RBM20: variants seen among roughly 807,000 people sequenced by gnomAD.
RBM20 encodes the protein RNA binding motif protein 20.
A neutral mutation model predicts 110.1 loss-of-function variants in RBM20; 51 were observed. The observed-to-expected ratio is 0.46, with a 90% CI of 0.37 to 0.59. RBM20 has a LOEUF of 0.59. Among genes scored for constraint, RBM20 ranks in the 20% least tolerant of loss-of-function variants. RBM20 has a pLI of 0.00. For missense variants in RBM20, 1,512 were observed against 1,574.9 expected (o/e 0.96, Z 0.68); for synonymous variants, 589 against 618.2 (o/e 0.95, Z 0.70).
intron 1 of RBM20, among the ~76,000 whole-genome samples, chr10:110,717,890 A>G (rs548755636): frequency 2.8e-4 from 42 of 152,346 alleles, no homozygotes; most frequent in African/African-American, 9.9e-4. Context: ...GAGGAGCCTC[A>G]TTCTCAAGCA....
intron 1 of RBM20, among the ~76,000 whole-genome samples, chr10:110,771,713 G>C (rs1194769567): frequency 1.3e-5 from 2 of 152,160 alleles, no homozygotes; most frequent in Non-Finnish European, 2.9e-5. Context: ...TGTCCTGTGA[G>C]CTACATTTCA....
intron 12 of RBM20, among the ~76,000 whole-genome samples, chr10:110,830,850 C>T (rs1236119350): frequency 6.6e-6 from 1 of 152,192 alleles, no homozygotes; most frequent in African/African-American, 2.4e-5. Context: ...ACATTCACAA[C>T]AACCTGTGAA....
intron 1 of RBM20, among the ~76,000 whole-genome samples, chr10:110,677,693 A>G (rs1006130932): frequency 2.6e-5 from 4 of 152,242 alleles, no homozygotes; most frequent in Non-Finnish European, 5.9e-5. Flanking sequence ...TATTTTGGGA[A>G]AACTGGAGTG....
rs2135105617 is a variant in RBM20 at position 110,812,709 on chromosome 10, A to G, written c.2312A>G (p.Tyr771Cys). 6.4e-7 allele frequency: 1 copy of G among 1,551,736 alleles called. No homozygotes were observed. Among genetic ancestry groups the G allele is most frequent in the Non-Finnish European group, 8.7e-7 (1 of 1,146,992 alleles). ...RKEPKAKSDK[Y>C]LKQQQDAPGR... ...GAGCCCAAAGCCAAGTCGGACAAGT[A>G]TCTGAAGCAGCAGCAGGATGCCCCC... The change falls in exon 9 of 14, where the codon TAT becomes TGT. Residue 771 changes from tyrosine (Y) to cysteine (C), a missense_variant. Physicochemically the swap from Tyr to Cys is radical, Grantham distance 194. Coordinates refer to ENST00000369519, the MANE Select transcript of RBM20 (RefSeq NM_001134363.3).
chr10:110,646,998 T>C (rs1043458230), intron 1 of RBM20, among the ~76,000 whole-genome samples: 2 of 152,234 alleles, frequency 1.3e-5, no homozygotes, highest in South Asian at 2.1e-4. Flanking sequence ...AGGAGAAGTT[T>C]TGATTGCTTT....
intron 1 of RBM20, among the ~76,000 whole-genome samples, chr10:110,724,971 G>C (rs887904125): frequency 1.3e-5 from 2 of 152,066 alleles, no homozygotes; most frequent in African/African-American, 4.8e-5. Flanking sequence ...TTAAAGTTTT[G>C]GGTAGAGAAA....
Position 110,753,008 on chromosome 10 carries a change from G to A in RBM20, c.192-27793G>A, listed in dbSNP as rs572101253. Reference sequence around the variant, plus strand: ...GGCTGGAGTGCAGCAGTGAGATCTCGGCTCACTGCAACCTCTGCCTCCCGG... The same window carrying A: ...GGCTGGAGTGCAGCAGTGAGATCTCAGCTCACTGCAACCTCTGCCTCCCGG... On this transcript the variant is annotated intron_variant, in intron 1 of 13. Coordinates refer to ENST00000369519, the MANE Select transcript of RBM20 (RefSeq NM_001134363.3). Among the ~76,000 whole-genome samples, 21 of 139,338 alleles carry A rather than the reference G, an allele frequency of 1.5e-4. No individual in the cohort carries two copies. The East Asian group carries it at 2.7e-3, about 18-fold the overall frequency. The allele number at this position is 139,338 out of a possible 152,430, so 91.4% of individuals were successfully genotyped here.
chr10:110,768,241 GAGGGAA>G (rs897884697), intron 1 of RBM20, among the ~76,000 whole-genome samples: 29 of 125,666 alleles, frequency 2.3e-4, no homozygotes, highest in Middle Eastern at 3.7e-3. Flanking sequence ...GAGGGAGAGG[GAGGGAA>G]AGGGAGAGGG....
intron 7 of RBM20, among the ~76,000 whole-genome samples, chr10:110,804,774 A>G (rs966236059): frequency 2.6e-5 from 4 of 152,366 alleles, no homozygotes; most frequent in Middle Eastern, 3.4e-3. Context: ...GTATGGAATC[A>G]TAATCTCTCT....
chr10:110,766,099 A>G (rs1844078140), intron 1 of RBM20, among the ~76,000 whole-genome samples: 1 of 150,360 alleles, frequency 6.7e-6, no homozygotes, highest in African/African-American at 2.4e-5. Context: ...AGTGCTGGAG[A>G]GCAGTTTCAA....
At chr10:110,784,914 G>A in intron 5 of RBM20, 25 bp downstream of exon 5, 1 of 1,304,346 alleles carries the variant, frequency 7.7e-7, no homozygotes, top group Non-Finnish European at 1.1e-6. Context: ...ATTTTCTCTA[G>A]AAATTAATGA....
At chr10:110,650,777 G>A (rs7085626) in intron 1 of RBM20, among the ~76,000 whole-genome samples, 25,942 of 152,074 alleles carry the variant, frequency 0.17, 3,012 homozygotes, top group African/African-American at 0.31. Flanking sequence ...ACTCCTTCCC[G>A]AATATGTTTT....
At chr10:110,721,078 C>T (rs937935106) in intron 1 of RBM20, among the ~76,000 whole-genome samples, 73 of 152,322 alleles carry the variant, frequency 4.8e-4, no homozygotes, top group African/African-American at 1.5e-3. Flanking sequence ...GCTCAGTTGC[C>T]GCCACATGGA....
chr10:110,770,639 T>A (rs1433651018), intron 1 of RBM20, among the ~76,000 whole-genome samples: 1 of 152,238 alleles, frequency 6.6e-6, no homozygotes, highest in Non-Finnish European at 1.5e-5. Flanking sequence ...GTCAGGCAAC[T>A]CTAGAAAAAG....
Position 110,664,816 on chromosome 10 carries a change from G to T in RBM20, c.191+20171G>T, listed in dbSNP as rs540713715. 1.1e-4 allele frequency among the ~76,000 whole-genome samples: 17 copies of T among 152,048 alleles called. No homozygotes were observed. The South Asian group carries it at 3.5e-3, about 32-fold the overall frequency. ...AAAATTCAGTAGTTTCCACTATAGGGTGCTGGGGAACCAACTTTCATCCCC... is the reference window on the plus strand; with the variant it reads ...AAAATTCAGTAGTTTCCACTATAGGTTGCTGGGGAACCAACTTTCATCCCC... On this transcript the variant is annotated intron_variant, in intron 1 of 13. Coordinates refer to ENST00000369519, the MANE Select transcript of RBM20 (RefSeq NM_001134363.3).
chr10:110,703,506 C>T (rs1418416502), intron 1 of RBM20, among the ~76,000 whole-genome samples: 1 of 152,142 alleles, frequency 6.6e-6, no homozygotes, highest in Admixed American at 6.5e-5. Flanking sequence ...TAACAGTTTG[C>T]AAAACTGTAG....
At chr10:110,808,944 G>A (rs1844728607) in intron 7 of RBM20, among the ~76,000 whole-genome samples, 1 of 152,114 alleles carries the variant, frequency 6.6e-6, no homozygotes, top group Admixed American at 6.6e-5. Context: ...GCTGGGCGTG[G>A]TGGTTCATGC....
At chr10:110,725,646 G>C (rs963913496) in intron 1 of RBM20, among the ~76,000 whole-genome samples, 17 of 152,284 alleles carry the variant, frequency 1.1e-4, no homozygotes, top group Middle Eastern at 3.4e-3. Context: ...AGAGGTGCAG[G>C]CTTTAAAAAA....
chr10:110,767,062 C>A (rs1245496657), intron 1 of RBM20, among the ~76,000 whole-genome samples: 3 of 129,490 alleles, frequency 2.3e-5, no homozygotes, highest in African/African-American at 6.0e-5. Context: ...CCGGACGGGG[C>A]GGCTGGCCGG....
Sources: allele counts gnomAD v4.1 joint callset (sites outside exome capture counted in the v4.1 genomes callset), GRCh38; gene constraint gnomAD v4.1.1; transcripts MANE v1.5; gene names NCBI Gene and HGNC (gene_info 2026-07-23, HGNC 2026-07-21).